Variants in COL14A1 observed in about 807,000 individuals in gnomAD.
COL14A1 encodes the protein collagen alpha-1(XIV) chain.
In COL14A1, 136 loss-of-function variants were observed where a neutral mutation model predicts 230.3. The observed-to-expected ratio is 0.59, with a 90% CI of 0.51 to 0.68. The LOEUF (loss-of-function observed/expected upper bound fraction) is 0.68, where lower values mean the gene tolerates loss of function less well. Among genes scored for constraint, COL14A1 ranks in the 30% least tolerant of loss-of-function variants. The pLI is 0.00. For synonymous variants in COL14A1, 792 were observed against 784.1 expected, an observed-to-expected ratio of 1.01 and a Z score of -0.17; for missense variants, 1,976 against 2,215.8, an observed-to-expected ratio of 0.89 and a Z score of 2.17.
intron 34 of COL14A1, among the ~76,000 whole-genome samples, 200 bp downstream of exon 34, chr8:120,289,966 A>T (rs1015058275): frequency 1.3e-5 from 2 of 152,188 alleles, no homozygotes; most frequent in Non-Finnish European, 2.9e-5. Flanking sequence ...AGACATGTAC[A>T]TTCAAAGCTT....
Position 120,206,387 on chromosome 8 carries a change from A to G in COL14A1, c.1040-556A>G, listed in dbSNP as rs1028742350. 3.3e-5 allele frequency among the ~76,000 whole-genome samples: 5 copies of G among 152,180 alleles called. No individual in the cohort carries two copies. In the South Asian group the frequency reaches 6.2e-4, roughly 19 times the overall value. ...TTTTTTGGAGGCAGAGTGTTGCTCTATCCCCCAGGCTGGAGTGCAGTGGCA... is the reference window on the plus strand; with the variant it reads ...TTTTTTGGAGGCAGAGTGTTGCTCTGTCCCCCAGGCTGGAGTGCAGTGGCA... On this transcript the variant is annotated intron_variant, in intron 9 of 47. Coordinates refer to ENST00000297848, the MANE Select transcript of COL14A1 (RefSeq NM_021110.4).
intron 36 of COL14A1, among the ~76,000 whole-genome samples, chr8:120,301,819 C>CA (rs1220893903): frequency 6.6e-6 from 1 of 152,186 alleles, no homozygotes; most frequent in Non-Finnish European, 1.5e-5. Flanking sequence ...ACACTCCCAC[C>CA]AACAGTGTAT....
chr8:120,366,908 C>T (rs915295425), intron 45 of COL14A1, among the ~76,000 whole-genome samples: 1 of 152,196 alleles, frequency 6.6e-6, no homozygotes, highest in Non-Finnish European at 1.5e-5. Context: ...GGCTGTGTGA[C>T]TTCAGTAGGA....
intron 25 of COL14A1, among the ~76,000 whole-genome samples, chr8:120,269,264 A>G (rs1819587424): frequency 6.6e-6 from 1 of 151,898 alleles, no homozygotes; most frequent in Non-Finnish European, 1.5e-5. Flanking sequence ...AGAGGCATAG[A>G]TAATCTGAAA....
At chr8:120,199,276 T>G in intron 7 of COL14A1, 126 bp from the exon 8 acceptor site, 1 of 781,880 alleles carries the variant, frequency 1.3e-6, no homozygotes, top group Non-Finnish European at 1.9e-6. Flanking sequence ...ATTACAAAAA[T>G]GAAGATTTGC....
intron 14 of COL14A1, among the ~76,000 whole-genome samples, chr8:120,222,697 C>T (rs1330047047): frequency 6.6e-6 from 1 of 152,052 alleles, no homozygotes; most frequent in East Asian, 1.9e-4. Context: ...TTAGAGAAGA[C>T]CTTTCTCACC....
intron 42 of COL14A1, among the ~76,000 whole-genome samples, chr8:120,335,411 A>T (rs2130234344): frequency 6.6e-6 from 1 of 152,338 alleles, no homozygotes; most frequent in South Asian, 2.1e-4. Flanking sequence ...GCCTATTAGC[A>T]TCAGGTAGGA....
chr8:120,226,726 A>G lies in COL14A1; in HGVS notation c.1964A>G (p.Lys655Arg), dbSNP rs745415602. ...HPLSADEGLH[K>R]LMWIPVYGGK... is the part of the protein sequence containing the mutation. ...CTCTCAGCTGATGAAGGGCTACACA[A>G]ATTGATGTGGATTCCAGTCTATGGG... is the stretch of plus-strand genomic sequence containing the variant. The change falls in exon 16 of 48, where the codon AAA becomes AGA. Residue 655 changes from lysine to arginine, a missense_variant. Physicochemically the swap from Lys to Arg is conservative, Grantham distance 26. Coordinates refer to ENST00000297848, the MANE Select transcript of COL14A1 (RefSeq NM_021110.4). The G allele has an allele frequency of 6.2e-7, 1 of 1,613,772 alleles. No homozygotes were observed. Among genetic ancestry groups the G allele is most frequent in the South Asian group, 1.1e-5 (1 of 91,022 alleles).
At chr8:120,322,307 C>T (rs1821479908) in intron 40 of COL14A1, among the ~76,000 whole-genome samples, 1 of 152,012 alleles carries the variant, frequency 6.6e-6, no homozygotes, top group African/African-American at 2.4e-5. Flanking sequence ...TTGATAGGTG[C>T]AGCAAACCAC....
At chr8:120,128,911 A>C (rs1228937063) in intron 1 of COL14A1, among the ~76,000 whole-genome samples, 1 of 152,038 alleles carries the variant, frequency 6.6e-6, no homozygotes, top group Non-Finnish European at 1.5e-5. Flanking sequence ...AGTCCATTGC[A>C]ATGTCTTAGG....
At chr8:120,345,586 G>A (rs377063161) in intron 45 of COL14A1, 23 bp downstream of exon 45, 6 of 1,501,604 alleles carry the variant, frequency 4.0e-6, no homozygotes, top group Non-Finnish European at 3.5e-6. Flanking sequence ...CCTTCTCTCA[G>A]AGGAACTCCT....
intron 17 of COL14A1, 96 bp downstream of exon 17, chr8:120,227,448 G>C: frequency 1.4e-6 from 2 of 1,462,950 alleles, no homozygotes; most frequent in Non-Finnish European, 1.9e-6. Flanking sequence ...CTTTGGCTAT[G>C]TAAGCTTCAA....
At position 120,238,754 on chromosome 8, in the gene COL14A1, C is replaced by T. The variant is rs573413732; in HGVS notation, c.2350-5125C>T. On this transcript the variant is annotated intron_variant, in intron 19 of 47. Coordinates refer to ENST00000297848, the MANE Select transcript of COL14A1 (RefSeq NM_021110.4). The stretch of plus-strand genomic sequence containing the variant: ...TGGTGGTATAGGCACCCAAGGGAAT[C>T]TCCTGGTCTGTGGGTTGCAAAGACC... Among the ~76,000 whole-genome samples, 5 of 152,328 alleles carry T rather than the reference C, an allele frequency of 3.3e-5. No homozygotes were observed. The South Asian group carries it at 8.3e-4, about 25-fold the overall frequency.
At chr8:120,208,110 A>G in intron 10 of COL14A1, 122 bp from the exon 11 acceptor site, 1 of 927,920 alleles carries the variant, frequency 1.1e-6, no homozygotes, top group Non-Finnish European at 1.6e-6. Flanking sequence ...GGAAAGGGGG[A>G]TGTGGCACAA....
intron 1 of COL14A1, among the ~76,000 whole-genome samples, chr8:120,133,614 A>C (rs1221656613): frequency 1.3e-5 from 2 of 152,172 alleles, no homozygotes; most frequent in Admixed American, 1.3e-4. Flanking sequence ...ACACAGATGG[A>C]AATTTACTAA....
At position 120,227,396 on chromosome 8, in the gene COL14A1, A is replaced by G. The variant is rs200258731; in HGVS notation, c.2137+44A>G. The G allele has an allele frequency of 2.1e-4, 345 of 1,610,610 alleles. 1 individual carries two copies. In the African/African-American group the frequency reaches 4.2e-3, roughly 20 times the overall value. ...ACAGTGCGTTTTAGCTGCTCCCACAATCCCTCTTTACCCCATCAATTTCCT... is the reference window on the plus strand; with the variant it reads ...ACAGTGCGTTTTAGCTGCTCCCACAGTCCCTCTTTACCCCATCAATTTCCT... On this transcript the variant is annotated intron_variant, in intron 17 of 47. Coordinates refer to ENST00000297848, the MANE Select transcript of COL14A1 (RefSeq NM_021110.4).
At chr8:120,339,037 G>A (rs1822187713) in intron 42 of COL14A1, among the ~76,000 whole-genome samples, 1 of 152,132 alleles carries the variant, frequency 6.6e-6, no homozygotes, top group Non-Finnish European at 1.5e-5. Flanking sequence ...AAAATTTTAT[G>A]ATGGAACGCC....
intron 26 of COL14A1, chr8:120,277,462 A>G (rs1819890171): frequency 1.3e-5 from 2 of 152,256 alleles, no homozygotes; most frequent in East Asian, 1.9e-4. Flanking sequence ...TGAGAGACAC[A>G]TGCACTCCTA....
Position 120,297,503 on chromosome 8 carries a change from A to C in COL14A1, c.4237-8A>C. The C allele has an allele frequency of 4.2e-6, 6 of 1,423,790 alleles. No homozygotes were observed. The highest frequency in any genetic ancestry group is 5.5e-6 in the Non-Finnish European group (6 of 1,084,908). The allele number at this position is 1,423,790 out of a possible 1,614,324, so 88.2% of individuals were successfully genotyped here. A position where few individuals can be genotyped will look rare whatever the true frequency, so the allele number is the denominator to read the frequency against. On this transcript the variant is annotated splice_region_variant and splice_polypyrimidine_tract_variant and intron_variant, in intron 34 of 47. Coordinates refer to ENST00000297848, the MANE Select transcript of COL14A1 (RefSeq NM_021110.4). Reference sequence around the variant, plus strand: ...TTATTGAATGACAATTTTCTTTTTAAATCATAGTTCCAGTTACAGATGTTT... The same window carrying C: ...TTATTGAATGACAATTTTCTTTTTACATCATAGTTCCAGTTACAGATGTTT...
Sources: allele counts gnomAD v4.1 joint callset (sites outside exome capture counted in the v4.1 genomes callset), GRCh38; gene constraint gnomAD v4.1.1; transcripts MANE v1.5; gene names NCBI Gene and HGNC (gene_info 2026-07-23, HGNC 2026-07-21).